The following EPHX4 variants were observed in gnomAD, a reference collection of about 807,000 sequenced individuals.
EPHX4 encodes the protein abhydrolase domain containing 7.
Under a neutral mutation model 44.9 loss-of-function variants are expected in EPHX4, and 31 were observed. The observed-to-expected ratio is 0.69, with a 90% confidence interval of 0.52 to 0.93. The LOEUF is 0.93. Ranked by LOEUF, EPHX4 falls within the 40% of genes least tolerant of loss-of-function variation. The pLI, the probability that EPHX4 is intolerant of heterozygous loss-of-function variation, is 0.00. For missense variants in EPHX4, 373 were observed against 438.1 expected (o/e 0.85, Z 1.33); for synonymous variants, 151 against 159.7 (o/e 0.95, Z 0.41).
In EPHX4 at chr1:92,049,672, C is replaced by T. The variant is rs547329164; in HGVS notation, c.605-645C>T. 7.9e-5 allele frequency among the ~76,000 whole-genome samples: 12 copies of T among 152,208 alleles called. No homozygotes were observed. In the East Asian group the frequency reaches 1.3e-3, roughly 17 times the overall value. ...TTGTAAGGAAAATCTTTTAAACAAC[C>T]GAAAATTACATCACCATGTATTCCT... is the stretch of plus-strand genomic sequence containing the variant. On this transcript the variant is annotated intron_variant, in intron 4 of 6. Transcript: ENST00000370383.
At chr1:92,033,579 A>G (rs946401577) in intron 2 of EPHX4, among the ~76,000 whole-genome samples, 1 of 152,180 alleles carries the variant, frequency 6.6e-6, no homozygotes, top group African/African-American at 2.4e-5. Flanking sequence ...TTTCCTATGC[A>G]CAGAGCAATA....
intron 6 of EPHX4, among the ~76,000 whole-genome samples, chr1:92,062,145 A>G (rs1265081676): frequency 6.6e-6 from 1 of 152,228 alleles, no homozygotes; most frequent in Non-Finnish European, 1.5e-5. Context: ...CAGTTCAAAT[A>G]TAGTTTTTGA....
intron 1 of EPHX4, among the ~76,000 whole-genome samples, 175 bp downstream of exon 1, chr1:92,030,485 T>TGTGTGA (rs1326928763): frequency 1.4e-5 from 2 of 138,650 alleles, no homozygotes; most frequent in African/African-American, 5.5e-5. Context: ...TGTGTGTGTG[T>TGTGTGA]GAGAGAGAGA....
intron 1 of EPHX4, among the ~76,000 whole-genome samples, chr1:92,031,366 T>C (rs1688357738): frequency 6.6e-6 from 1 of 152,134 alleles, no homozygotes; most frequent in Non-Finnish European, 1.5e-5. Context: ...CAGCTGAGGG[T>C]AAAGTCAGAT....
chr1:92,039,789 G>A (rs568900987), intron 2 of EPHX4, among the ~76,000 whole-genome samples: 1 of 152,142 alleles, frequency 6.6e-6, no homozygotes, highest in African/African-American at 2.4e-5. Flanking sequence ...TAGAAGCTGG[G>A]ATTACAGGTG....
chr1:92,030,022 T>C lies in EPHX4; in HGVS notation c.-58T>C. The C allele has an allele frequency of 1.5e-6, 2 of 1,326,306 alleles. No homozygotes were observed. Among genetic ancestry groups the C allele is most frequent in the Non-Finnish European group, 2.0e-6 (2 of 1,014,562 alleles). The allele number at this position is 1,326,306 out of a possible 1,614,324, so 82.2% of individuals were successfully genotyped here. A position where few individuals can be genotyped will look rare whatever the true frequency, so the allele number is the denominator to read the frequency against. ...GCGACGGCGGGCTGGCCTGGCGCGC[T>C]GCGGCGCTCGCTCACCCGCTCCCGA... On this transcript the variant is annotated 5_prime_UTR_variant, in exon 1 of 7. Transcript: ENST00000370383.
intron 5 of EPHX4, among the ~76,000 whole-genome samples, chr1:92,052,151 C>G (rs574236719): frequency 6.6e-5 from 10 of 152,118 alleles, no homozygotes; most frequent in Admixed American, 3.9e-4. Flanking sequence ...GATAGCTTGC[C>G]TCCTCAATGC....
intron 4 of EPHX4, among the ~76,000 whole-genome samples, chr1:92,046,584 C>T (rs983306714): frequency 6.6e-6 from 1 of 151,824 alleles, no homozygotes. Flanking sequence ...CTGCCTCAGC[C>T]TCCCGAGTAG....
Position 92,030,308 on chromosome 1 carries a change from A to T in EPHX4, c.229A>T (p.Lys77Ter). The T allele has an allele frequency of 6.4e-7, 1 of 1,556,286 alleles. No homozygotes were observed. The highest frequency in any genetic ancestry group is 8.7e-7 in the Non-Finnish European group (1 of 1,152,548). ...SLGTHCYVRIKDSGLRFHYVA... is the reference protein window; with the variant it reads ...SLGTHCYVRI ...GGGCACCCACTGCTACGTGCGGATC[A>T]AGGTGAAGGGCCGCGCGGGCCTGGC... The change falls in exon 1 of 7, where the codon AAG (lysine) becomes TAG (stop). Residue 77 changes from lysine to a stop codon, truncating the protein, a stop_gained and splice_region_variant. Coordinates refer to ENST00000370383, the MANE Select transcript of EPHX4 (RefSeq NM_173567.5). LOFTEE classifies it high-confidence loss of function.
chr1:92,062,477 C>T (rs1647519426), intron 6 of EPHX4, among the ~76,000 whole-genome samples: 1 of 148,228 alleles, frequency 6.7e-6, no homozygotes, highest in South Asian at 2.1e-4. Flanking sequence ...CCCAGCTACT[C>T]AGGAGGCTGA....
At chr1:92,046,532 C>T (rs933274267) in intron 4 of EPHX4, among the ~76,000 whole-genome samples, 9 of 152,138 alleles carry the variant, frequency 5.9e-5, no homozygotes, top group East Asian at 1.9e-4. Flanking sequence ...GGCGCCATCT[C>T]GGCTCACTGC....
chr1:92,059,182 C>G (rs912202936), intron 6 of EPHX4, among the ~76,000 whole-genome samples: 1 of 152,108 alleles, frequency 6.6e-6, no homozygotes, highest in Non-Finnish European at 1.5e-5. Context: ...ACGCCTGGAA[C>G]CCCAGCACTT....
intron 2 of EPHX4, among the ~76,000 whole-genome samples, chr1:92,033,181 C>T (rs944177163): frequency 2.0e-5 from 3 of 151,302 alleles, no homozygotes; most frequent in African/African-American, 7.3e-5. Context: ...TCCTAAAGTG[C>T]TGGGATTACA....
At chr1:92,035,034 A>C (rs1346492641) in intron 2 of EPHX4, among the ~76,000 whole-genome samples, 3 of 152,198 alleles carry the variant, frequency 2.0e-5, no homozygotes, top group African/African-American at 7.2e-5. Flanking sequence ...GCATTGAAGA[A>C]AAGAGTGGAG....
chr1:92,062,884 C>T (rs957988454), intron 6 of EPHX4, among the ~76,000 whole-genome samples, 171 bp from the exon 7 acceptor site: 2 of 151,930 alleles, frequency 1.3e-5, no homozygotes, highest in African/African-American at 4.8e-5. Flanking sequence ...TATATCCATG[C>T]TTTATATATG....
At chr1:92,054,375 G>A (rs928870424) in intron 6 of EPHX4, among the ~76,000 whole-genome samples, 1 of 152,092 alleles carries the variant, frequency 6.6e-6, no homozygotes, top group Admixed American at 6.6e-5. Flanking sequence ...GATCACCTGA[G>A]GTCAGGAGTT....
At chr1:92,055,757 A>G (rs952962980) in intron 6 of EPHX4, among the ~76,000 whole-genome samples, 1 of 152,198 alleles carries the variant, frequency 6.6e-6, no homozygotes, top group African/African-American at 2.4e-5. Context: ...TATATTCAAG[A>G]AAAAAGATTT....
chr1:92,036,248 C>G (rs1379335569), intron 2 of EPHX4, among the ~76,000 whole-genome samples: 1 of 152,130 alleles, frequency 6.6e-6, no homozygotes, highest in Non-Finnish European at 1.5e-5. Flanking sequence ...ACAATATACA[C>G]AAAGATAAAA....
intron 2 of EPHX4, among the ~76,000 whole-genome samples, chr1:92,035,344 T>C (rs1320538001): frequency 3.3e-5 from 5 of 152,232 alleles, no homozygotes; most frequent in African/African-American, 1.2e-4. Context: ...TAACATAGCA[T>C]GGGCAGTACA....
Sources: gnomAD v4.1 joint callset for allele counts (sites outside exome capture counted in the v4.1 genomes callset) on GRCh38, gnomAD v4.1.1 for gene constraint, MANE v1.5 for transcripts, NCBI Gene and HGNC (gene_info 2026-07-23, HGNC 2026-07-21) for gene names.